The following MTMR3 variants were observed in gnomAD, a reference collection of about 807,000 sequenced individuals.
MTMR3 encodes phosphatidylinositol-3,5-bisphosphate 3-phosphatase MTMR3.
A neutral mutation model predicts 132.4 loss-of-function variants in MTMR3; 32 were observed. The observed-to-expected ratio is 0.24, with a 90% confidence interval of 0.18 to 0.32. The LOEUF is 0.32. Among genes scored for constraint, MTMR3 ranks in the 10% least tolerant of loss-of-function variants. The pLI, the probability that MTMR3 is intolerant of heterozygous loss-of-function variation, is 1.00. For missense variants in MTMR3, 1,216 were observed against 1,489.6 expected (o/e 0.82, Z 3.02); for synonymous variants, 556 against 550.3 (o/e 1.01, Z -0.14).
At chr22:29,976,634 C>T (rs1013547634) in intron 3 of MTMR3, among the ~76,000 whole-genome samples, 2 of 152,172 alleles carry the variant, frequency 1.3e-5, no homozygotes, top group African/African-American at 4.8e-5. Context: ...AAGGTACCAG[C>T]AGTTTTACCT....
At chr22:29,894,829 A>T (rs1405289192) in intron 1 of MTMR3, among the ~76,000 whole-genome samples, 1 of 152,212 alleles carries the variant, frequency 6.6e-6, no homozygotes, top group East Asian at 1.9e-4. Context: ...AGTGTTTTAA[A>T]TGCTTCTGTG....
chr22:29,896,869 T>TCTCTCACACACA (rs145703649), intron 1 of MTMR3, among the ~76,000 whole-genome samples: 11 of 138,222 alleles, frequency 8.0e-5, no homozygotes, highest in East Asian at 6.4e-4. Flanking sequence ...CAGGCTTGTC[T>TCTCTCACACACA]CACACACACA....
chr22:29,892,187 G>A (rs2064813479), intron 1 of MTMR3, among the ~76,000 whole-genome samples: 1 of 151,928 alleles, frequency 6.6e-6, no homozygotes, highest in South Asian at 2.1e-4. Context: ...CTTGAGAGTC[G>A]TATCTGCAAT....
Position 30,030,488 on chromosome 22 carries a change from TC to T in MTMR3, c.*4688del, listed in dbSNP as rs2067991815. ...TCGGTGACCATTTAAGTTGAATAAA[TC>T]TGTCATTTTCACCCACAAACAGTTG... is the stretch of plus-strand genomic sequence containing the variant. On this transcript the variant is annotated 3_prime_UTR_variant, in exon 20 of 20. Transcript: ENST00000401950. The T allele has an allele frequency of 6.6e-6, 1 of 152,204 alleles. No homozygotes were observed. Among genetic ancestry groups the T allele is most frequent in the African/African-American group, 2.4e-5 (1 of 41,416 alleles). The allele number at this position is 152,204 out of a possible 1,614,324, so 9.4% of individuals were successfully genotyped here.
rs113896853 is a variant in MTMR3, at chr22:29,931,088, T to C, written c.-137-25948T>C. Among the ~76,000 whole-genome samples the C allele has an allele frequency of 4.5e-3, 688 of 152,122 alleles. 5 individuals carry two copies. The highest frequency in any genetic ancestry group is 0.015 in the African/African-American group (643 of 41,492). ...GGTTTAAAAATCTTGAATTTCTCTATAGTTGAGAATTGTTTCTGAATTGAT... is the reference window on the plus strand; with the variant it reads ...GGTTTAAAAATCTTGAATTTCTCTACAGTTGAGAATTGTTTCTGAATTGAT... On this transcript the variant is annotated intron_variant, in intron 1 of 19. Transcript: ENST00000401950.
chr22:29,919,872 C>A (rs976235481), intron 1 of MTMR3, among the ~76,000 whole-genome samples: 1 of 152,052 alleles, frequency 6.6e-6, no homozygotes, highest in African/African-American at 2.4e-5. Flanking sequence ...AAACTCAACA[C>A]AGTATAAGTA....
chr22:29,924,227 C>A (rs1488170536), intron 1 of MTMR3, among the ~76,000 whole-genome samples: 1 of 152,110 alleles, frequency 6.6e-6, no homozygotes, highest in East Asian at 1.9e-4. Flanking sequence ...TAATTAAAAA[C>A]AGTTAATTAC....
Position 30,020,011 on chromosome 22 carries a change from G to T in MTMR3, c.2352G>T (p.Arg784Ser). The stretch of plus-strand genomic sequence containing the variant: ...TCAGTTCTCTCCAGGTCCCCCCCAG[G>T]GGAGAGGATTCCCTGGAGGTCCCTG... ...VLLSSLQVPP[R>S]GEDSLEVPVE... Residue 784 changes from arginine to serine, a missense_variant, in exon 17 of 20, where the codon AGG becomes AGT. Physicochemically the swap from Arg to Ser is moderately radical, Grantham distance 110 (BLOSUM62 -1). Transcript: ENST00000401950. 12 of 1,614,212 alleles carry T rather than the reference G, an allele frequency of 7.4e-6. No individual in the cohort carries two copies. The highest frequency in any genetic ancestry group is 1.0e-5 in the Non-Finnish European group (12 of 1,180,044).
chr22:29,929,162 T>A (rs9614109), intron 1 of MTMR3, among the ~76,000 whole-genome samples: 1 of 151,788 alleles, frequency 6.6e-6, no homozygotes, highest in African/African-American at 2.4e-5. Context: ...GTGCCTGTAA[T>A]CCCAGCTACT....
intron 2 of MTMR3, among the ~76,000 whole-genome samples, chr22:29,961,783 A>G (rs2145852863): frequency 6.6e-6 from 1 of 152,326 alleles, no homozygotes; most frequent in African/African-American, 2.4e-5. Context: ...CAGTCCTACA[A>G]GCACCATTCA....
intron 3 of MTMR3, among the ~76,000 whole-genome samples, chr22:29,973,734 A>G (rs1233504163): frequency 1.3e-5 from 2 of 152,068 alleles, no homozygotes; most frequent in Non-Finnish European, 2.9e-5. Context: ...TGAGTAGCTG[A>G]GATTACAGGC....
chr22:30,012,971 A>G (rs2067472212), intron 13 of MTMR3: 1 of 191,376 alleles, frequency 5.2e-6, no homozygotes, highest in South Asian at 1.6e-4. Flanking sequence ...ACCCTAAAAT[A>G]TATGCAAGTA....
intron 14 of MTMR3, chr22:30,015,823 CTCCTTTAG>C (rs1486050812): frequency 6.6e-6 from 1 of 152,266 alleles, no homozygotes; most frequent in Non-Finnish European, 1.5e-5. Context: ...CTTCTGCAAT[CTCCTTTAG>C]TCACACTGGC....
intron 1 of MTMR3, among the ~76,000 whole-genome samples, chr22:29,905,731 G>A (rs928006868): frequency 1.3e-5 from 2 of 151,908 alleles, no homozygotes; most frequent in African/African-American, 4.8e-5. Flanking sequence ...TTATGTATTC[G>A]GTGTTTTTGA....
rs963214266 is a variant in MTMR3 at position 30,030,612 on chromosome 22, G to C, written c.*4811G>C. On this transcript the variant is annotated 3_prime_UTR_variant, in exon 20 of 20. Coordinates refer to ENST00000401950, the MANE Select transcript of MTMR3 (RefSeq NM_021090.4). Reference sequence around the variant, plus strand: ...TATGAATCAGCTCAGCCTCTTAGGAGAGAGGGGCTCTCAGCGAGGAGGGGG... The same window carrying C: ...TATGAATCAGCTCAGCCTCTTAGGACAGAGGGGCTCTCAGCGAGGAGGGGG... 2.2e-5 allele frequency: 3 copies of C among 134,652 alleles called. No homozygotes were observed. The highest frequency in any genetic ancestry group is 4.7e-5 in the Non-Finnish European group (3 of 63,682). The allele number at this position is 134,652 out of a possible 1,614,324, so 8.3% of individuals were successfully genotyped here.
rs372869250 is a variant in MTMR3 at position 30,020,710 on chromosome 22, T to C, written c.3051T>C (p.Asp1017=). 40 of 1,614,100 alleles carry C rather than the reference T, an allele frequency of 2.5e-5. No individual in the cohort carries two copies. The highest frequency in any genetic ancestry group is 7.7e-5 in the South Asian group (7 of 91,090). The change falls in exon 17 of 20, where the codon GAT becomes GAC. Residue 1017 remains aspartate (D), a synonymous_variant. Coordinates refer to ENST00000401950, the MANE Select transcript of MTMR3 (RefSeq NM_021090.4). Reference sequence around the variant, plus strand: ...AGCCTTCCCGCAGCCACCTGGACGATGATGGCATGTCAGTGTACACAGACA... The same window carrying C: ...AGCCTTCCCGCAGCCACCTGGACGACGATGGCATGTCAGTGTACACAGACA... ...PDQPSRSHLD[D]DGMSVYTDTI... is the part of the protein sequence containing the mutation.
In MTMR3 at chr22:30,025,815, G is replaced by A. The variant is rs1272646136; in HGVS notation, c.*14G>A. On this transcript the variant is annotated 3_prime_UTR_variant, in exon 20 of 20. Transcript: ENST00000401950. ...ACTTCCAACTGAAGCTCAGTGACCTGGGTGGGCAGTGGCCAAGCTGCTGTT... is the reference window on the plus strand; with the variant it reads ...ACTTCCAACTGAAGCTCAGTGACCTAGGTGGGCAGTGGCCAAGCTGCTGTT... The A allele has an allele frequency of 1.9e-6, 3 of 1,613,434 alleles. No individual in the cohort carries two copies. In the South Asian group the frequency reaches 3.3e-5, roughly 18 times the overall value.
chr22:29,941,530 A>G (rs1163318935), intron 1 of MTMR3, among the ~76,000 whole-genome samples: 1 of 151,812 alleles, frequency 6.6e-6, no homozygotes, highest in Non-Finnish European at 1.5e-5. Context: ...CGAGCCGTGT[A>G]TGAATTCCAG....
chr22:29,978,170 A>C, intron 3 of MTMR3: 1 of 247,652 alleles, frequency 4.0e-6, no homozygotes, highest in South Asian at 5.7e-5. Flanking sequence ...GTCTCAAAAA[A>C]AGAAAAAAAA....
Sources: gnomAD v4.1 joint callset for allele counts (sites outside exome capture counted in the v4.1 genomes callset) on GRCh38, gnomAD v4.1.1 for gene constraint, MANE v1.5 for transcripts, NCBI Gene and HGNC (gene_info 2026-07-23, HGNC 2026-07-21) for gene names.